The following MRE11 variants were observed in gnomAD, a reference collection of about 807,000 sequenced individuals.
MRE11 encodes MRE11 double strand break repair nuclease.
Under a neutral mutation model 91.7 loss-of-function variants are expected in MRE11, and 62 were observed. The observed-to-expected ratio is 0.68, with a 90% CI of 0.55 to 0.84. MRE11 has a LOEUF of 0.84. Among genes scored for constraint, MRE11 ranks in the 40% least tolerant of loss-of-function variants. The probability of loss-of-function intolerance (pLI) is 0.00; values close to 1 mark genes in which losing one functional copy is unlikely to be tolerated. For synonymous variants in MRE11, 273 were observed against 271.4 expected, an observed-to-expected ratio of 1.01 and a Z score of -0.06; for missense variants, 796 against 852.9, an observed-to-expected ratio of 0.93 and a Z score of 0.83.
Position 94,492,874 on chromosome 11 carries a change from A to G in MRE11, c.-73T>C. Reference sequence around the variant, plus strand: ...CCCCTGGGTACTGTACTCAAATGTCAGAAAATGCACTCGATTCCAAATTCT... The same window carrying G: ...CCCCTGGGTACTGTACTCAAATGTCGGAAAATGCACTCGATTCCAAATTCT... On this transcript the variant is annotated 5_prime_UTR_variant, in exon 2 of 20. Transcript: ENST00000323929. 8.7e-6 allele frequency: 12 copies of G among 1,378,988 alleles called. No homozygotes were observed. Among genetic ancestry groups the G allele is most frequent in the Non-Finnish European group, 1.2e-5 (12 of 981,678 alleles). The allele number at this position is 1,378,988 out of a possible 1,614,324, so 85.4% of individuals were successfully genotyped here.
chr11:94,475,967 T>G (rs1450266425), intron 7 of MRE11, among the ~76,000 whole-genome samples: 1 of 152,130 alleles, frequency 6.6e-6, no homozygotes, highest in African/African-American at 2.4e-5. Context: ...TGCTTCCCTT[T>G]GGGATAGGGG....
At chr11:94,470,799 C>CA (rs1946689964) in intron 8 of MRE11, among the ~76,000 whole-genome samples, 157 bp from the exon 9 acceptor site, 1 of 152,020 alleles carries the variant, frequency 6.6e-6, no homozygotes, top group African/African-American at 2.4e-5. Flanking sequence ...TTAATGTTAT[C>CA]ATCACAGGAA....
At chr11:94,486,965 G>A (rs754272284) in intron 3 of MRE11, among the ~76,000 whole-genome samples, 12 of 152,192 alleles carry the variant, frequency 7.9e-5, no homozygotes, top group East Asian at 3.8e-4. Context: ...ATCACTGTGC[G>A]TATGGTAGTT....
At chr11:94,489,146 A>C (rs552681791) in intron 3 of MRE11, among the ~76,000 whole-genome samples, 16 of 152,292 alleles carry the variant, frequency 1.1e-4, no homozygotes, top group African/African-American at 3.1e-4. Context: ...TGCTATTAAA[A>C]ATATGCTATG....
Position 94,420,027 on chromosome 11 carries a change from T to G in MRE11, c.*98A>C. ...AAATTTCTTACTTATGGAGTTATGC[T>G]CAGGAAACAATACTTAAAATCTTAA... On this transcript the variant is annotated 3_prime_UTR_variant, in exon 20 of 20. Transcript: ENST00000323929. 1.0e-6 allele frequency: 1 copy of G among 977,398 alleles called. No homozygotes were observed. The highest frequency in any genetic ancestry group is 1.6e-6 in the Non-Finnish European group (1 of 640,452). The allele number at this position is 977,398 out of a possible 1,614,324, so 60.5% of individuals were successfully genotyped here. A position where few individuals can be genotyped will look rare whatever the true frequency, so the allele number is the denominator to read the frequency against.
chr11:94,501,064 C>G, the MRE11 span, among the ~76,000 whole-genome samples: 2 of 152,118 alleles, frequency 1.3e-5, no homozygotes, highest in Non-Finnish European at 2.9e-5. Flanking sequence ...TGCTCCAGTC[C>G]ATCTGTAGGA....
At chr11:94,465,379 C>T (rs184555381) in intron 10 of MRE11, among the ~76,000 whole-genome samples, 7 of 150,882 alleles carry the variant, frequency 4.6e-5, no homozygotes, top group Admixed American at 3.3e-4. Context: ...ATTACCCAGA[C>T]CATCTCTCTC....
At chr11:94,469,568 G>GAGTC (rs1315898975) in intron 9 of MRE11, among the ~76,000 whole-genome samples, 1 of 152,136 alleles carries the variant, frequency 6.6e-6, no homozygotes, top group East Asian at 1.9e-4. Context: ...TGAGTTTCTA[G>GAGTC]AGTCAATCAT....
At chr11:94,498,570 G>T (rs1356250429), upstream of MRE11, 1 of 1,527,346 alleles carries the variant, frequency 6.5e-7, no homozygotes, top group South Asian at 1.2e-5. Flanking sequence ...AAATACCAGT[G>T]CCTCCTGTGT....
Position 94,419,396 on chromosome 11 carries a change from GC to G in MRE11, c.*728del. 1 of 229,068 alleles carries G rather than the reference GC, an allele frequency of 4.4e-6. No homozygotes were observed. The highest frequency in any genetic ancestry group is 8.6e-6 in the Non-Finnish European group (1 of 116,408). The allele number at this position is 229,068 out of a possible 1,614,324, so 14.2% of individuals were successfully genotyped here. A position where few individuals can be genotyped will look rare whatever the true frequency, so the allele number is the denominator to read the frequency against. ...TTAACCCGTTTCCTCCTAGAACTAG[GC>G]ACGCATATATGTATGAAAGAGAAGA... On this transcript the variant is annotated 3_prime_UTR_variant, in exon 20 of 20. Coordinates refer to ENST00000323929, the MANE Select transcript of MRE11 (RefSeq NM_005591.4).
intron 16 of MRE11, 91 bp from the exon 17 acceptor site, chr11:94,437,326 C>T: frequency 8.4e-7 from 1 of 1,191,412 alleles, no homozygotes; most frequent in Non-Finnish European, 1.2e-6. Context: ...TTTTCTGAGT[C>T]CTATCTGCAA....
At chr11:94,469,212 C>T (rs954207887) in intron 9 of MRE11, among the ~76,000 whole-genome samples, 7 of 152,162 alleles carry the variant, frequency 4.6e-5, no homozygotes, top group Non-Finnish European at 1.0e-4. Context: ...GAAGTTCATA[C>T]AGTAGACCTC....
At chr11:94,433,645 C>T (rs1163100109) in intron 18 of MRE11, among the ~76,000 whole-genome samples, 1 of 152,168 alleles carries the variant, frequency 6.6e-6, no homozygotes, top group East Asian at 1.9e-4. Flanking sequence ...CTCACAAGAT[C>T]TTTCACTTGG....
At position 94,483,430 on chromosome 11, in the gene MRE11, T is replaced by C. The variant is rs559296988; in HGVS notation, c.314+2494A>G. On this transcript the variant is annotated intron_variant, in intron 4 of 19. Transcript: ENST00000323929. ...ATGGGAGGGGCCTCGTGGGAGATAA[T>C]TGAATCATGGGGGCAGGCCTTTCCT... 2.6e-4 allele frequency among the ~76,000 whole-genome samples: 40 copies of C among 152,286 alleles called. 1 individual carries two copies. The highest frequency in any genetic ancestry group is 3.4e-3 in the Middle Eastern group (1 of 294).
intron 11 of MRE11, 115 bp from the exon 12 acceptor site, chr11:94,461,151 G>T: frequency 1.3e-6 from 1 of 786,090 alleles, no homozygotes; most frequent in Non-Finnish European, 2.0e-6. Context: ...CTGCCAGCTT[G>T]CTCAACATGG....
intron 18 of MRE11, among the ~76,000 whole-genome samples, chr11:94,435,168 T>C (rs943421208): frequency 2.6e-5 from 4 of 152,120 alleles, no homozygotes; most frequent in Non-Finnish European, 5.9e-5. Flanking sequence ...GTTAAGAATA[T>C]AAAAATAAGA....
At chr11:94,456,162 C>A in intron 14 of MRE11, 114 bp downstream of exon 14, 1 of 946,124 alleles carries the variant, frequency 1.1e-6, no homozygotes, top group Non-Finnish European at 1.7e-6. Flanking sequence ...TAAGCCAACC[C>A]CAGCTCACTC....
intron 14 of MRE11, among the ~76,000 whole-genome samples, chr11:94,448,630 C>A (rs190488162): frequency 6.6e-6 from 1 of 151,256 alleles, no homozygotes; most frequent in Non-Finnish European, 1.5e-5. Flanking sequence ...TGAAAAGAAA[C>A]GGAAGAATTA....
chr11:94,467,605 T>C (rs968529239), intron 10 of MRE11, among the ~76,000 whole-genome samples: 1 of 152,126 alleles, frequency 6.6e-6, no homozygotes, highest in Non-Finnish European at 1.5e-5. Context: ...CAACAAATTA[T>C]TTAGAAAATG....
Sources: gnomAD v4.1 joint callset for allele counts (sites outside exome capture counted in the v4.1 genomes callset) on GRCh38, gnomAD v4.1.1 for gene constraint, MANE v1.5 for transcripts, NCBI Gene and HGNC (gene_info 2026-07-23, HGNC 2026-07-21) for gene names.